The following FMNL2 variants were observed in gnomAD, a reference collection of about 807,000 sequenced individuals.
FMNL2 encodes the protein formin-like protein 2.
Under a neutral mutation model 130.2 loss-of-function variants are expected in FMNL2, and 51 were observed. The observed-to-expected ratio is 0.39, with a 90% CI of 0.31 to 0.49. The LOEUF (loss-of-function observed/expected upper bound fraction) is 0.49, where lower values mean the gene tolerates loss of function less well. FMNL2 is among the 20% of genes least tolerant of loss of function. The pLI, the probability that FMNL2 is intolerant of heterozygous loss-of-function variation, is 0.85. For synonymous variants in FMNL2, 465 were observed against 467.1 expected, an observed-to-expected ratio of 1.00 and a Z score of 0.06; for missense variants, 977 against 1,316.2, an observed-to-expected ratio of 0.74 and a Z score of 3.99.
intron 1 of FMNL2, among the ~76,000 whole-genome samples, chr2:152,390,879 C>T (rs780974457): frequency 2.2e-4 from 33 of 152,180 alleles, no homozygotes; most frequent in Non-Finnish European, 7.3e-5. Flanking sequence ...GATTTATTTC[C>T]TCATTTGTGA....
chr2:152,604,405 C>G (rs1199063379), intron 9 of FMNL2, among the ~76,000 whole-genome samples: 1 of 150,928 alleles, frequency 6.6e-6, no homozygotes, highest in Non-Finnish European at 1.5e-5. Flanking sequence ...CTTTGCCTCC[C>G]TAGGAATTGC....
chr2:152,643,327 G>T, intron 25 of FMNL2: 2 of 1,492,824 alleles, frequency 1.3e-6, no homozygotes, highest in Non-Finnish European at 9.0e-7. Flanking sequence ...CCCCAGGTAT[G>T]ATTAACAATG....
intron 1 of FMNL2, among the ~76,000 whole-genome samples, chr2:152,453,096 G>A (rs1444441226): frequency 3.9e-5 from 6 of 151,944 alleles, no homozygotes. Flanking sequence ...CAGCTACTCG[G>A]GAAGCTGAGG....
intron 9 of FMNL2, among the ~76,000 whole-genome samples, chr2:152,606,737 A>G (rs146610096): frequency 5.3e-5 from 8 of 149,788 alleles, no homozygotes; most frequent in Non-Finnish European, 1.0e-4. Flanking sequence ...CATCTGATCA[A>G]TGAAAACATT....
At chr2:152,402,408 A>G (rs567888720) in intron 1 of FMNL2, among the ~76,000 whole-genome samples, 2 of 152,280 alleles carry the variant, frequency 1.3e-5, no homozygotes, top group South Asian at 4.1e-4. Context: ...CTTGGAAAAG[A>G]GCAGAAAGTG....
In FMNL2 at chr2:152,632,153, T is replaced by C. The variant is rs1316674859; in HGVS notation, c.2680+16T>C. On this transcript the variant is annotated intron_variant, in intron 21 of 25. Coordinates refer to ENST00000288670, the MANE Select transcript of FMNL2 (RefSeq NM_052905.4). ...GCTGCTGCAGGTACTTGATTTCAGC[T>C]ATTACCGTTCGTCTTGGGTATTTAA... 6.2e-7 allele frequency: 1 copy of C among 1,607,238 alleles called. No individual in the cohort carries two copies. Among genetic ancestry groups the C allele is most frequent in the South Asian group, 1.1e-5 (1 of 89,432 alleles).
At chr2:152,554,574 T>C (rs1218663980) in intron 4 of FMNL2, among the ~76,000 whole-genome samples, 2 of 152,192 alleles carry the variant, frequency 1.3e-5, no homozygotes, top group African/African-American at 4.8e-5. Flanking sequence ...TTTTTAAAAA[T>C]CACATTTGTT....
intron 1 of FMNL2, among the ~76,000 whole-genome samples, chr2:152,433,904 CCCTGTTTT>C (rs1275495108): frequency 1.3e-5 from 2 of 152,144 alleles, no homozygotes; most frequent in Non-Finnish European, 2.9e-5. Flanking sequence ...CTTTGTCCTG[CCCTGTTTT>C]CCTGTAGCTT....
intron 1 of FMNL2, among the ~76,000 whole-genome samples, chr2:152,507,834 G>A (rs1692257674): frequency 6.6e-6 from 1 of 151,920 alleles, no homozygotes; most frequent in Non-Finnish European, 1.5e-5. Flanking sequence ...GAGAAATTTA[G>A]TTACTTGCCA....
chr2:152,478,039 T>G (rs996444318), intron 1 of FMNL2, among the ~76,000 whole-genome samples: 4 of 151,888 alleles, frequency 2.6e-5, no homozygotes, highest in Non-Finnish European at 5.9e-5. Flanking sequence ...TAAATTTTTT[T>G]TTAAATAGCA....
chr2:152,611,116 G>A (rs550345635), intron 10 of FMNL2, among the ~76,000 whole-genome samples: 14 of 152,298 alleles, frequency 9.2e-5, no homozygotes, highest in African/African-American at 2.6e-4. Context: ...CCAGGCCGGC[G>A]GATCACGAGG....
chr2:152,531,840 C>G (rs1393165792), intron 2 of FMNL2, among the ~76,000 whole-genome samples: 2 of 152,066 alleles, frequency 1.3e-5, no homozygotes, highest in Admixed American at 1.3e-4. Context: ...ATGTTATTAG[C>G]ACATGTTGCT....
intron 23 of FMNL2, among the ~76,000 whole-genome samples, chr2:152,639,551 C>T (rs1682905855): frequency 6.6e-6 from 1 of 152,164 alleles, no homozygotes; most frequent in African/African-American, 2.4e-5. Flanking sequence ...TGAGGGTTTT[C>T]CCCTAACAAT....
intron 1 of FMNL2, among the ~76,000 whole-genome samples, chr2:152,353,860 T>C (rs1481415884): frequency 6.6e-6 from 1 of 151,500 alleles, no homozygotes; most frequent in Non-Finnish European, 1.5e-5. Flanking sequence ...GTAACTTTAG[T>C]TAAATCATCA....
At chr2:152,571,876 G>A (rs900893181) in intron 6 of FMNL2, among the ~76,000 whole-genome samples, 6 of 143,718 alleles carry the variant, frequency 4.2e-5, no homozygotes, top group Admixed American at 1.4e-4. Flanking sequence ...AATGTTAATT[G>A]GTGACGGATT....
intron 3 of FMNL2, among the ~76,000 whole-genome samples, chr2:152,543,827 G>A (rs1694465994): frequency 6.8e-6 from 1 of 146,922 alleles, no homozygotes; most frequent in South Asian, 2.2e-4. Flanking sequence ...ATGTAGACAA[G>A]GGGAAATAAA....
intron 1 of FMNL2, among the ~76,000 whole-genome samples, chr2:152,422,686 G>A (rs539722560): frequency 6.6e-6 from 1 of 152,064 alleles, no homozygotes; most frequent in East Asian, 1.9e-4. Context: ...GCACCATCAC[G>A]CCCGGCTAAT....
intron 1 of FMNL2, among the ~76,000 whole-genome samples, chr2:152,412,809 A>T (rs890816357): frequency 2.0e-5 from 3 of 151,984 alleles, no homozygotes; most frequent in African/African-American, 7.3e-5. Context: ...CCTGTCTCAA[A>T]AAAAAAGCTA....
intron 25 of FMNL2, among the ~76,000 whole-genome samples, chr2:152,643,017 AC>A (rs1283088561): frequency 6.7e-6 from 1 of 148,246 alleles, no homozygotes; most frequent in Non-Finnish European, 1.5e-5. Flanking sequence ...TCAAAAAAAA[AC>A]AAAACAAAAC....
Sources: gnomAD v4.1 joint callset for allele counts (sites outside exome capture counted in the v4.1 genomes callset) on GRCh38, gnomAD v4.1.1 for gene constraint, MANE v1.5 for transcripts, NCBI Gene and HGNC (gene_info 2026-07-23, HGNC 2026-07-21) for gene names.